The following ABCA13 variants were observed in gnomAD, a reference collection of about 807,000 sequenced individuals.
The protein encoded by ABCA13 is ATP-binding cassette sub-family A member 13.
In ABCA13, 476 loss-of-function variants were observed where a neutral mutation model predicts 478.7. That is an observed-to-expected ratio of 0.99 (90% CI 0.92 to 1.07). ABCA13 has a LOEUF of 1.07. Among genes scored for constraint, ABCA13 ranks in the 50% least tolerant of loss-of-function variants. The probability of loss-of-function intolerance (pLI) is 0.00; values close to 1 mark genes in which losing one functional copy is unlikely to be tolerated. For missense variants in ABCA13, 6,060 were observed against 5,910.6 expected, an observed-to-expected ratio of 1.03 and a Z score of -0.83; for synonymous variants, 2,252 against 2,158.9, an observed-to-expected ratio of 1.04 and a Z score of -1.20.
intron 53 of ABCA13, among the ~76,000 whole-genome samples, chr7:48,522,706 C>G (rs906979835): frequency 3.9e-5 from 6 of 152,156 alleles, no homozygotes; most frequent in Admixed American, 1.3e-4. Flanking sequence ...TCTCCACCAA[C>G]CAGAATTACT....
rs772114383 is a variant in ABCA13 at position 48,338,354 on chromosome 7, T to G, written c.10114-11T>G. 2.6e-6 allele frequency: 4 copies of G among 1,558,646 alleles called. No homozygotes were observed. The highest frequency in any genetic ancestry group is 2.7e-5 in the African/African-American group (2 of 72,962). On this transcript the variant is annotated splice_polypyrimidine_tract_variant and intron_variant, in intron 28 of 61. Coordinates refer to ENST00000435803, the MANE Select transcript of ABCA13 (RefSeq NM_152701.5). ...CAATTATTTTTATTAAGCTATATTA[T>G]TTTTCTTTAGGAGGCCCTGAGAAAC...
In ABCA13 at chr7:48,522,128, A is replaced by G. The variant is rs114915041; in HGVS notation, c.14051+1834A>G. ...CCTCTTTCTCTATTAGGGCACATCTATGTTGGTTTATGGTATCGATATGCT... is the reference window on the plus strand; with the variant it reads ...CCTCTTTCTCTATTAGGGCACATCTGTGTTGGTTTATGGTATCGATATGCT... On this transcript the variant is annotated intron_variant, in intron 53 of 61. Coordinates refer to ENST00000435803, the MANE Select transcript of ABCA13 (RefSeq NM_152701.5). Among the ~76,000 whole-genome samples, 695 of 152,062 alleles carry G rather than the reference A, an allele frequency of 4.6e-3. 4 individuals carry two copies. The highest frequency in any genetic ancestry group is 0.015 in the African/African-American group (627 of 41,496).
Position 48,335,091 on chromosome 7 carries a change from T to A in ABCA13, c.10000-331T>A, listed in dbSNP as rs145133107. On this transcript the variant is annotated intron_variant, in intron 27 of 61. Transcript: ENST00000435803. ...AACAAGTAAGTATTAGTTGAGAATG[T>A]ATCTTTGAGGAAGAAATGTGGGCAA... Among the ~76,000 whole-genome samples, 19 of 152,356 alleles carry A rather than the reference T, an allele frequency of 1.2e-4. No individual in the cohort carries two copies. The East Asian group carries it at 3.7e-3, about 29-fold the overall frequency.
chr7:48,520,348 G>T, intron 53 of ABCA13, 54 bp downstream of exon 53: 1 of 1,513,244 alleles, frequency 6.6e-7, no homozygotes, highest in East Asian at 2.3e-5. Flanking sequence ...AAAATGAGAG[G>T]AAGAGAAAAA....
At chr7:48,203,186 GGGCC>G (rs1316838511) in intron 3 of ABCA13, among the ~76,000 whole-genome samples, 1 of 152,166 alleles carries the variant, frequency 6.6e-6, no homozygotes, top group Non-Finnish European at 1.5e-5. Flanking sequence ...GGGGCCGGCA[GGGCC>G]GGCCGGCTGC....
rs777416018 is a variant in ABCA13 at position 48,272,795 on chromosome 7, G to A, written c.3129G>A (p.Gln1043=). 2 of 1,605,284 alleles carry A rather than the reference G, an allele frequency of 1.2e-6. No individual in the cohort carries two copies. Among genetic ancestry groups the A allele is most frequent in the Admixed American group, 3.4e-5 (2 of 58,736 alleles). ...CAATTTTTAACTTTTTGGAGCTTCA[G>A]GCCCAATCCTTCATGTCTACAGAGG... ...LLSIFNFLEL[Q]AQSFMSTEGQ... is the part of the protein sequence containing the mutation. The change falls in exon 17 of 62, where the codon CAG becomes CAA. Residue 1043 remains glutamine (Q), a synonymous_variant. Coordinates refer to ENST00000435803, the MANE Select transcript of ABCA13 (RefSeq NM_152701.5).
intron 28 of ABCA13, among the ~76,000 whole-genome samples, chr7:48,336,174 G>A (rs1806235855): frequency 6.6e-6 from 1 of 152,070 alleles, no homozygotes; most frequent in Non-Finnish European, 1.5e-5. Context: ...TGTGATCTTG[G>A]GCTAGTCACT....
At chr7:48,320,922 TG>T (rs1309358473) in intron 27 of ABCA13, among the ~76,000 whole-genome samples, 1 of 152,218 alleles carries the variant, frequency 6.6e-6, no homozygotes, top group Non-Finnish European at 1.5e-5. Flanking sequence ...CAGTGCCATT[TG>T]GAAGTGGAAA....
At position 48,594,753 on chromosome 7, in the gene ABCA13, T is replaced by C. The variant is rs201039317; in HGVS notation, c.14684T>C (p.Leu4895Pro). The change falls in exon 58 of 62, where the codon CTG becomes CCG. Residue 4895 changes from leucine to proline, a missense_variant. By Grantham distance (98) the Leu-to-Pro change is moderately conservative. Transcript: ENST00000435803. ...SGMDPCSKRYLWQTIMKEVRE... is the reference protein window; with the variant it reads ...SGMDPCSKRYPWQTIMKEVRE... ...ATGGATCCCTGCTCTAAGCGGTACC[T>C]GTGGCAAACAATAATGAAGGAGGTT... 3.7e-6 allele frequency: 6 copies of C among 1,613,982 alleles called. No individual in the cohort carries two copies. Among genetic ancestry groups the C allele is most frequent in the African/African-American group, 2.7e-5 (2 of 75,066 alleles).
chr7:48,274,781 G>C lies in ABCA13; in HGVS notation c.5115G>C (p.Val1705=). 1 of 1,613,952 alleles carries C rather than the reference G, an allele frequency of 6.2e-7. No individual in the cohort carries two copies. Among genetic ancestry groups the C allele is most frequent in the Non-Finnish European group, 8.5e-7 (1 of 1,179,844 alleles). ...NISSVGTGNL[V]VNLLVGLMEK... ...GTAGTGTGGGAACTGGCAATTTAGT[G>C]GTCAATTTGCTTGTTGGCTTGATGG... Residue 1705 remains valine (V), a synonymous_variant, in exon 17 of 62, where the codon GTG becomes GTC. Transcript: ENST00000435803.
intron 38 of ABCA13, among the ~76,000 whole-genome samples, chr7:48,397,836 G>C (rs1323043083): frequency 6.6e-6 from 1 of 152,174 alleles, no homozygotes; most frequent in Admixed American, 6.5e-5. Flanking sequence ...AAGTCCTTGA[G>C]GGACCGAAGT....
At chr7:48,332,559 T>G (rs943198112) in intron 27 of ABCA13, among the ~76,000 whole-genome samples, 1 of 152,246 alleles carries the variant, frequency 6.6e-6, no homozygotes, top group African/African-American at 2.4e-5. Context: ...GAAAACAGTA[T>G]GGTCTGTTGT....
At chr7:48,550,087 T>C (rs1785171030) in intron 55 of ABCA13, among the ~76,000 whole-genome samples, 1 of 151,892 alleles carries the variant, frequency 6.6e-6, no homozygotes, top group South Asian at 2.1e-4. Flanking sequence ...TTTGTCAATT[T>C]TGAATTTTGT....
intron 1 of ABCA13, among the ~76,000 whole-genome samples, chr7:48,187,303 T>C (rs1246830007): frequency 6.7e-6 from 1 of 148,884 alleles, no homozygotes; most frequent in Non-Finnish European, 1.5e-5. Context: ...ACACCTGTAG[T>C]AGTAATAGTT....
rs957626620 is a variant in ABCA13, at chr7:48,641,082, A to C, written c.14838-2206A>C. On this transcript the variant is annotated intron_variant, in intron 59 of 61. Coordinates refer to ENST00000435803, the MANE Select transcript of ABCA13 (RefSeq NM_152701.5). ...ATTTTAATTTGAAAGAATTTTAATTATTAATGTGCATATGTGCTTATAGAG... is the reference window on the plus strand; with the variant it reads ...ATTTTAATTTGAAAGAATTTTAATTCTTAATGTGCATATGTGCTTATAGAG... 2.0e-5 allele frequency among the ~76,000 whole-genome samples: 3 copies of C among 152,324 alleles called. No individual in the cohort carries two copies. In the East Asian group the frequency reaches 5.8e-4, roughly 29 times the overall value.
chr7:48,473,216 A>T (rs1199690732), intron 45 of ABCA13, among the ~76,000 whole-genome samples: 1 of 152,208 alleles, frequency 6.6e-6, no homozygotes, highest in Non-Finnish European at 1.5e-5. Context: ...GTGGAGACAT[A>T]GAGTCAAACA....
intron 15 of ABCA13, among the ~76,000 whole-genome samples, chr7:48,251,380 T>A (rs562833791): frequency 6.6e-6 from 1 of 152,344 alleles, no homozygotes; most frequent in South Asian, 2.1e-4. Context: ...TCTTGTTTAA[T>A]CCTCATTCAA....
chr7:48,468,229 G>A (rs567827762), intron 44 of ABCA13, among the ~76,000 whole-genome samples: 146 of 152,230 alleles, frequency 9.6e-4, no homozygotes, highest in African/African-American at 3.3e-3. Context: ...GTTTGGACAC[G>A]TATTTTACTT....
At chr7:48,435,991 T>C (rs1822778618) in intron 42 of ABCA13, among the ~76,000 whole-genome samples, 1 of 150,654 alleles carries the variant, frequency 6.6e-6, no homozygotes, top group Admixed American at 6.6e-5. Flanking sequence ...TTTTTGGTAG[T>C]TCCTTTGGCT....
Sources: allele counts gnomAD v4.1 joint callset (sites outside exome capture counted in the v4.1 genomes callset), GRCh38; gene constraint gnomAD v4.1.1; transcripts MANE v1.5; gene names NCBI Gene and HGNC (gene_info 2026-07-23, HGNC 2026-07-21).